The following KHDRBS2 variants were observed in gnomAD, a reference collection of about 807,000 sequenced individuals.
KHDRBS2 encodes KH RNA binding domain containing, signal transduction associated 2.
KHDRBS2 carries 26 observed loss-of-function variants against 44.3 expected under a neutral mutation model. The observed-to-expected ratio is 0.59, with a 90% confidence interval of 0.43 to 0.81. The LOEUF (loss-of-function observed/expected upper bound fraction) is 0.81, where lower values mean the gene tolerates loss of function less well. KHDRBS2 is among the 40% of genes least tolerant of loss of function. The pLI, the probability that KHDRBS2 is intolerant of heterozygous loss-of-function variation, is 0.00. For synonymous variants in KHDRBS2, 194 were observed against 151.1 expected, an observed-to-expected ratio of 1.28 and a Z score of -2.08; for missense variants, 476 against 433.1, an observed-to-expected ratio of 1.10 and a Z score of -0.88.
intron 4 of KHDRBS2, among the ~76,000 whole-genome samples, chr6:61,976,356 T>A (rs1301887347): frequency 2.0e-5 from 3 of 152,088 alleles, no homozygotes; most frequent in Admixed American, 6.6e-5. Context: ...AGTATATAAA[T>A]GAAATACTTA....
At chr6:62,123,612 A>G (rs1320207975) in intron 2 of KHDRBS2, among the ~76,000 whole-genome samples, 1 of 152,202 alleles carries the variant, frequency 6.6e-6, no homozygotes. Flanking sequence ...GAGATGCATA[A>G]TTTTTTAAAT....
the KHDRBS2 span, among the ~76,000 whole-genome samples, chr6:61,632,266 T>C: frequency 6.6e-6 from 1 of 152,194 alleles, no homozygotes; most frequent in Non-Finnish European, 1.5e-5. Context: ...TGATATGTGA[T>C]ACTTTAGAAG....
chr6:61,973,710 T>TTATA (rs145676968), intron 4 of KHDRBS2, among the ~76,000 whole-genome samples: 5 of 151,976 alleles, frequency 3.3e-5, no homozygotes, highest in Admixed American at 1.3e-4. Context: ...AGTATATAAG[T>TTATA]TATATATATA....
intron 6 of KHDRBS2, among the ~76,000 whole-genome samples, chr6:61,843,498 G>A (rs1247867892): frequency 2.0e-5 from 3 of 151,680 alleles, no homozygotes; most frequent in African/African-American, 7.3e-5. Context: ...CCGAGTAGCT[G>A]GGATTACAGC....
At chr6:62,052,891 A>C (rs550927093) in intron 2 of KHDRBS2, among the ~76,000 whole-genome samples, 68 of 152,082 alleles carry the variant, frequency 4.5e-4, no homozygotes, top group African/African-American at 1.6e-3. Flanking sequence ...TACAGGTCTG[A>C]AGCCCAGGGA....
chr6:61,581,214 G>A, the KHDRBS2 span, among the ~76,000 whole-genome samples: 1 of 151,940 alleles, frequency 6.6e-6, no homozygotes, highest in African/African-American at 2.4e-5. Context: ...GCATTGCCAT[G>A]CAAATGTGCA....
At chr6:61,681,210 A>C in intron 8 of KHDRBS2, 150 bp from the exon 9 acceptor site, 1 of 609,560 alleles carries the variant, frequency 1.6e-6, no homozygotes, top group Non-Finnish European at 2.9e-6. Context: ...TGAGACCATC[A>C]AAAAAGTGTG....
intron 1 of KHDRBS2, among the ~76,000 whole-genome samples, chr6:62,192,188 C>A (rs1284562663): frequency 1.3e-5 from 2 of 151,938 alleles, no homozygotes; most frequent in East Asian, 3.9e-4. Flanking sequence ...AGCAATAAAT[C>A]TGATTTTTTA....
At chr6:61,783,063 A>G (rs1445139590) in intron 6 of KHDRBS2, among the ~76,000 whole-genome samples, 1 of 152,050 alleles carries the variant, frequency 6.6e-6, no homozygotes, top group Non-Finnish European at 1.5e-5. Flanking sequence ...ATGGATGTGT[A>G]ACATTATTAC....
At chr6:61,691,657 A>C (rs1442227300) in intron 8 of KHDRBS2, among the ~76,000 whole-genome samples, 3 of 152,060 alleles carry the variant, frequency 2.0e-5, no homozygotes, top group African/African-American at 7.2e-5. Context: ...ATTTTCCCAA[A>C]TTTATATTCT....
intron 1 of KHDRBS2, among the ~76,000 whole-genome samples, chr6:62,197,514 G>A (rs1168894980): frequency 6.6e-6 from 1 of 152,104 alleles, no homozygotes; most frequent in Admixed American, 6.6e-5. Context: ...TATAAGACAT[G>A]CTATTTGCCA....
intron 3 of KHDRBS2, among the ~76,000 whole-genome samples, chr6:62,039,316 T>A (rs904143049): frequency 2.0e-5 from 3 of 151,340 alleles, no homozygotes; most frequent in Non-Finnish European, 3.0e-5. Flanking sequence ...ATTATCTGTC[T>A]GCATTGATCG....
chr6:61,901,715 C>T (rs1438000842), intron 4 of KHDRBS2, among the ~76,000 whole-genome samples: 2 of 151,968 alleles, frequency 1.3e-5, no homozygotes, highest in South Asian at 2.1e-4. Context: ...GTTAATATGA[C>T]GATTACTACA....
the KHDRBS2 span, among the ~76,000 whole-genome samples, chr6:61,627,208 G>A: frequency 7.4e-5 from 10 of 135,418 alleles, no homozygotes; most frequent in South Asian, 1.2e-3. Context: ...AGCCGAGATC[G>A]CGCCACTGCA....
the KHDRBS2 span, among the ~76,000 whole-genome samples, chr6:61,649,023 A>G: frequency 6.6e-6 from 1 of 152,134 alleles, no homozygotes; most frequent in Non-Finnish European, 1.5e-5. Context: ...GGGGAAAAAA[A>G]TAAAGGTGGC....
At chr6:61,825,249 C>G (rs1790650656) in intron 6 of KHDRBS2, among the ~76,000 whole-genome samples, 1 of 152,100 alleles carries the variant, frequency 6.6e-6, no homozygotes, top group African/African-American at 2.4e-5. Flanking sequence ...TGTCATCTGA[C>G]AAAGTGCACA....
At chr6:61,732,887 A>T in intron 6 of KHDRBS2, 123 bp from the exon 7 acceptor site, 4 of 645,894 alleles carry the variant, frequency 6.2e-6, no homozygotes, top group Non-Finnish European at 8.4e-6. Context: ...AAGTATCCAT[A>T]TATCACATTT....
chr6:61,778,363 T>C (rs1440286172), intron 6 of KHDRBS2, among the ~76,000 whole-genome samples: 1 of 152,050 alleles, frequency 6.6e-6, no homozygotes, highest in Admixed American at 6.6e-5. Context: ...TCATAACTCA[T>C]TGAAACAACT....
chr6:61,769,611 AGGCG>A (rs1472712542), intron 6 of KHDRBS2, among the ~76,000 whole-genome samples: 1 of 145,788 alleles, frequency 6.9e-6, no homozygotes, highest in Admixed American at 6.8e-5. Flanking sequence ...TCAAACTGCA[AGGCG>A]GCAGCGAGGC....
Sources: gnomAD v4.1 joint callset for allele counts (sites outside exome capture counted in the v4.1 genomes callset) on GRCh38, gnomAD v4.1.1 for gene constraint, MANE v1.5 for transcripts, NCBI Gene and HGNC (gene_info 2026-07-23, HGNC 2026-07-21) for gene names.